Variants in GRID1 observed in about 807,000 individuals in gnomAD.
The protein encoded by GRID1 is glutamate receptor ionotropic, delta-1.
GRID1 carries 28 observed loss-of-function variants against 98.0 expected under a neutral mutation model. The ratio of observed to expected loss-of-function variants is 0.29; its 90% confidence interval spans 0.21 to 0.39. The LOEUF (loss-of-function observed/expected upper bound fraction) is 0.39. GRID1 is among the 10% of genes least tolerant of loss of function. GRID1 has a pLI of 1.00. For synonymous variants in GRID1, 553 were observed against 538.5 expected, an observed-to-expected ratio of 1.03 and a Z score of -0.37; for missense variants, 1,111 against 1,340.5, an observed-to-expected ratio of 0.83 and a Z score of 2.67.
chr10:85,996,272 T>G (rs1386865739), intron 4 of GRID1, among the ~76,000 whole-genome samples: 1 of 152,144 alleles, frequency 6.6e-6, no homozygotes, highest in Non-Finnish European at 1.5e-5. Flanking sequence ...GTGGATGTAA[T>G]TTTCTGGCAA....
At chr10:86,321,953 C>T (rs1255504757) in intron 2 of GRID1, among the ~76,000 whole-genome samples, 2 of 151,964 alleles carry the variant, frequency 1.3e-5, no homozygotes, top group Non-Finnish European at 1.5e-5. Flanking sequence ...GATTACACGT[C>T]GAAAGAGGCA....
At chr10:86,178,606 G>A (rs185568849) in intron 3 of GRID1, among the ~76,000 whole-genome samples, 17 of 151,334 alleles carry the variant, frequency 1.1e-4, no homozygotes, top group South Asian at 2.1e-4. Flanking sequence ...CAGGCGGCTC[G>A]TGCATCCACC....
chr10:85,778,985 G>T (rs1842358485), intron 8 of GRID1, among the ~76,000 whole-genome samples: 1 of 152,226 alleles, frequency 6.6e-6, no homozygotes, highest in South Asian at 2.1e-4. Context: ...GAAGAAAGCA[G>T]CTATGAAGTC....
chr10:85,838,905 CACATGCAGTG>C (rs1373832630), intron 8 of GRID1, among the ~76,000 whole-genome samples: 1 of 152,086 alleles, frequency 6.6e-6, no homozygotes, highest in African/African-American at 2.4e-5. Flanking sequence ...AGACCCATCT[CACATGCAGTG>C]ACACACATAG....
intron 8 of GRID1, among the ~76,000 whole-genome samples, chr10:85,774,450 G>A (rs1010622763): frequency 6.6e-6 from 1 of 152,066 alleles, no homozygotes; most frequent in African/African-American, 2.4e-5. Context: ...AAAAGCAATG[G>A]CAACAAAAGC....
intron 2 of GRID1, among the ~76,000 whole-genome samples, chr10:86,289,785 G>A (rs938225334): frequency 5.3e-5 from 8 of 152,200 alleles, no homozygotes; most frequent in African/African-American, 1.9e-4. Context: ...AGTTGGTTCA[G>A]GGATGGGCAG....
At chr10:85,880,481 T>G (rs1840990191) in intron 5 of GRID1, among the ~76,000 whole-genome samples, 1 of 152,144 alleles carries the variant, frequency 6.6e-6, no homozygotes, top group Non-Finnish European at 1.5e-5. Flanking sequence ...TGCAAATCAA[T>G]AAATGTAATC....
intron 3 of GRID1, among the ~76,000 whole-genome samples, chr10:86,154,098 T>C (rs1219804610): frequency 1.4e-4 from 21 of 152,032 alleles, no homozygotes; most frequent in Admixed American, 1.2e-3. Context: ...ACTGGACTAA[T>C]AGTATGATCA....
chr10:85,714,605 C>T (rs759866949), intron 12 of GRID1, among the ~76,000 whole-genome samples: 10 of 151,900 alleles, frequency 6.6e-5, no homozygotes, highest in African/African-American at 7.2e-5. Flanking sequence ...CTAACAACAA[C>T]GTATTTGCAA....
At chr10:86,289,859 C>T (rs1386740814) in intron 2 of GRID1, among the ~76,000 whole-genome samples, 1 of 152,228 alleles carries the variant, frequency 6.6e-6, no homozygotes, top group African/African-American at 2.4e-5. Context: ...AACAGGGACT[C>T]TTACTTGTGC....
intron 8 of GRID1, among the ~76,000 whole-genome samples, chr10:85,781,805 G>GA (rs59791810): frequency 0.05 from 6,908 of 137,204 alleles, 193 homozygotes; most frequent in Middle Eastern, 0.091. Context: ...TTGTACATTT[G>GA]AAAAAAAAAA....
intron 4 of GRID1, among the ~76,000 whole-genome samples, chr10:85,965,500 A>G (rs988264369): frequency 6.6e-6 from 1 of 152,136 alleles, no homozygotes; most frequent in Non-Finnish European, 1.5e-5. Flanking sequence ...CATGGATGAC[A>G]CTGGAAACCA....
intron 2 of GRID1, among the ~76,000 whole-genome samples, chr10:86,290,449 A>T (rs1847496188): frequency 6.6e-6 from 1 of 152,128 alleles, no homozygotes; most frequent in African/African-American, 2.4e-5. Flanking sequence ...GAGTTCGAGG[A>T]TAGCCTGGCC....
chr10:85,622,714 C>T (rs184997850), intron 13 of GRID1, among the ~76,000 whole-genome samples: 65 of 152,218 alleles, frequency 4.3e-4, no homozygotes, highest in Admixed American at 1.8e-3. Context: ...TGTCTCAGAT[C>T]GAGGGGCTCA....
chr10:86,105,938 A>T (rs1032070414), intron 4 of GRID1, among the ~76,000 whole-genome samples: 1 of 152,102 alleles, frequency 6.6e-6, no homozygotes, highest in Non-Finnish European at 1.5e-5. Context: ...GGGGGACAAG[A>T]GGATGGGGGC....
intron 12 of GRID1, among the ~76,000 whole-genome samples, chr10:85,712,102 A>T (rs1284102695): frequency 6.6e-6 from 1 of 151,944 alleles, no homozygotes; most frequent in Non-Finnish European, 1.5e-5. Flanking sequence ...AACATGAGGA[A>T]CACAAATGAT....
At chr10:85,797,587 A>G (rs12774580) in intron 8 of GRID1, among the ~76,000 whole-genome samples, 58,234 of 148,966 alleles carry the variant, frequency 0.39, 13,250 homozygotes, top group African/African-American at 0.64. Context: ...ATGCCACCAC[A>G]CCCACTGGGG....
chr10:86,269,920 A>C (rs890054116), intron 2 of GRID1, among the ~76,000 whole-genome samples: 2 of 152,152 alleles, frequency 1.3e-5, no homozygotes, highest in East Asian at 1.9e-4. Context: ...CCCTGTAGGG[A>C]AGGGGTCTAC....
At chr10:85,739,782 T>G (rs895586624) in intron 8 of GRID1, among the ~76,000 whole-genome samples, 2 of 152,090 alleles carry the variant, frequency 1.3e-5, no homozygotes, top group African/African-American at 4.8e-5. Context: ...CTCCATGGTG[T>G]GTGGGGGGAA....
Sources: allele counts gnomAD v4.1 joint callset (sites outside exome capture counted in the v4.1 genomes callset), GRCh38; gene constraint gnomAD v4.1.1; transcripts MANE v1.5; gene names NCBI Gene and HGNC (gene_info 2026-07-23, HGNC 2026-07-21).